The following NUP205 variants were observed in gnomAD, a reference collection of about 807,000 sequenced individuals.
The protein encoded by NUP205 is nuclear pore complex protein Nup205.
Under a neutral mutation model 253.8 loss-of-function variants are expected in NUP205, and 76 were observed. That is an observed-to-expected ratio of 0.30 (90% CI 0.25 to 0.36). The LOEUF is 0.36. NUP205 is among the 10% of genes least tolerant of loss of function. The probability of loss-of-function intolerance (pLI) is 1.00; values close to 1 mark genes in which losing one functional copy is unlikely to be tolerated. For missense variants in NUP205, 2,162 were observed against 2,425.5 expected, an observed-to-expected ratio of 0.89 and a Z score of 2.28; for synonymous variants, 832 against 850.1, an observed-to-expected ratio of 0.98 and a Z score of 0.37.
Position 135,576,410 on chromosome 7 carries a change from C to A in NUP205, c.484C>A (p.Leu162Ile). The part of the protein sequence containing the change: ...SRRGKTWTLE[L>I]SPELASMTTR... ...ACGGGGAAAGACATGGACCCTAGAACTCAGGTCTTTTTACTTCTTGGGATT... is the reference window on the plus strand; with the variant it reads ...ACGGGGAAAGACATGGACCCTAGAAATCAGGTCTTTTTACTTCTTGGGATT... The change falls in exon 4 of 43, where the codon CTC becomes ATC. Residue 162 changes from leucine to isoleucine, a missense_variant. Leu to Ile is a conservative substitution (Grantham distance 5, BLOSUM62 2). Coordinates refer to ENST00000285968, the MANE Select transcript of NUP205 (RefSeq NM_015135.3). 1 of 1,605,678 alleles carries A rather than the reference C, an allele frequency of 6.2e-7. No individual in the cohort carries two copies. Among genetic ancestry groups the A allele is most frequent in the Admixed American group, 1.7e-5 (1 of 57,848 alleles).
intron 21 of NUP205, 63 bp from the exon 22 acceptor site, chr7:135,607,184 A>G: frequency 1.3e-6 from 2 of 1,578,104 alleles, no homozygotes; most frequent in Non-Finnish European, 1.7e-6. Context: ...TTGAAAAGGC[A>G]GTCTAAGATT....
rs200610313 is a variant in NUP205, at chr7:135,587,839, T to C, written c.1336-16T>C. The C allele has an allele frequency of 4.5e-5, 73 of 1,604,758 alleles. No homozygotes were observed. Among genetic ancestry groups the C allele is most frequent in the Non-Finnish European group, 6.0e-5 (70 of 1,176,406 alleles). On this transcript the variant is annotated splice_polypyrimidine_tract_variant and intron_variant, in intron 9 of 42. Transcript: ENST00000285968. ...GTCATAGACATTTCCCTACAGTCTT[T>C]GCTTACTCTTTGCAGATTGGCGAGC...
chr7:135,592,004 C>T (rs1429686697), intron 11 of NUP205, among the ~76,000 whole-genome samples: 1 of 151,962 alleles, frequency 6.6e-6, no homozygotes, highest in Admixed American at 6.6e-5. Context: ...ATTTAATTTT[C>T]AGACTGGTTT....
At chr7:135,572,335 A>G (rs565445536) in intron 2 of NUP205, among the ~76,000 whole-genome samples, 2 of 152,298 alleles carry the variant, frequency 1.3e-5, no homozygotes, top group African/African-American at 4.8e-5. Context: ...TAATACATCT[A>G]TGCTTGGTAA....
chr7:135,619,764 A>G, intron 29 of NUP205, 26 bp from the exon 30 acceptor site: 2 of 1,597,590 alleles, frequency 1.3e-6, no homozygotes, highest in Non-Finnish European at 1.7e-6. Flanking sequence ...AAAGATTTTC[A>G]TTTGACATCT....
chr7:135,633,184 G>A (rs917309395), intron 35 of NUP205, among the ~76,000 whole-genome samples: 5 of 151,886 alleles, frequency 3.3e-5, no homozygotes, highest in East Asian at 1.9e-4. Flanking sequence ...AGGTGTTCTC[G>A]AACTCCTGGC....
At chr7:135,631,457 C>T (rs1349610648) in intron 35 of NUP205, among the ~76,000 whole-genome samples, 1 of 152,164 alleles carries the variant, frequency 6.6e-6, no homozygotes, top group Non-Finnish European at 1.5e-5. Context: ...AATTTCTTTA[C>T]TACATGTAAA....
At chr7:135,626,789 A>G (rs538941938) in intron 33 of NUP205, among the ~76,000 whole-genome samples, 1 of 152,314 alleles carries the variant, frequency 6.6e-6, no homozygotes, top group South Asian at 2.1e-4. Flanking sequence ...TCAAGTTTCA[A>G]GCTTTTCAGC....
At chr7:135,576,165 G>C (rs900205818) in intron 3 of NUP205, 105 bp from the exon 4 acceptor site, 2 of 946,200 alleles carry the variant, frequency 2.1e-6, no homozygotes, top group African/African-American at 1.6e-5. Context: ...CTTAAGCCCT[G>C]AGCTACTGTG....
intron 33 of NUP205, 29 bp from the exon 34 acceptor site, chr7:135,627,944 A>G: frequency 1.2e-6 from 2 of 1,610,752 alleles, no homozygotes; most frequent in Non-Finnish European, 1.7e-6. Flanking sequence ...AATTCTTGGA[A>G]TGTTTTCTCC....
At chr7:135,637,718 G>A (rs1196313194) in intron 36 of NUP205, among the ~76,000 whole-genome samples, 1 of 152,018 alleles carries the variant, frequency 6.6e-6, no homozygotes, top group Non-Finnish European at 1.5e-5. Context: ...TAAAAAAAAA[G>A]GGTACTCTTT....
rs768219930 is a variant in NUP205 at position 135,626,339 on chromosome 7, C to G, written c.4771C>G (p.Arg1591Gly). 6.2e-7 allele frequency: 1 copy of G among 1,613,938 alleles called. No homozygotes were observed. Among genetic ancestry groups the G allele is most frequent in the Admixed American group, 1.7e-5 (1 of 59,994 alleles). ...AGCTCAATGCCAAGTCTATGACATGCGCCCAGAAACGGACCCGCAGAGGTA... is the reference window on the plus strand; with the variant it reads ...AGCTCAATGCCAAGTCTATGACATGGGCCCAGAAACGGACCCGCAGAGGTA... Reference protein sequence around the residue: ...RLAQCQVYDMRPETDPQSMFG... With the variant: ...RLAQCQVYDMGPETDPQSMFG... The change falls in exon 33 of 43, where the codon CGC becomes GGC. Residue 1591 changes from arginine to glycine, a missense_variant. By Grantham distance (125) the Arg-to-Gly change is moderately radical (BLOSUM62 -2). Transcript: ENST00000285968.
intron 15 of NUP205, among the ~76,000 whole-genome samples, chr7:135,598,637 C>T (rs1177289956): frequency 6.6e-6 from 1 of 152,158 alleles, no homozygotes; most frequent in African/African-American, 2.4e-5. Flanking sequence ...TATTGTAATC[C>T]ATTAGGCATG....
At chr7:135,635,397 G>A (rs1249528155) in intron 35 of NUP205, 184 bp from the exon 36 acceptor site, 3 of 387,246 alleles carry the variant, frequency 7.7e-6, no homozygotes, top group Non-Finnish European at 1.4e-5. Context: ...GCATGTACCG[G>A]TGCTGTTATT....
intron 1 of NUP205, among the ~76,000 whole-genome samples, chr7:135,563,497 A>G (rs1483434301): frequency 5.9e-5 from 9 of 152,014 alleles, no homozygotes; most frequent in African/African-American, 1.7e-4. Context: ...CAGATTTTAC[A>G]TTTATGTATG....
chr7:135,645,329 G>A (rs1794985628), intron 40 of NUP205, 139 bp from the exon 41 acceptor site: 1 of 933,298 alleles, frequency 1.1e-6, no homozygotes, highest in Middle Eastern at 2.6e-4. Flanking sequence ...GGAGCCTTCA[G>A]TGAGACCCTG....
At chr7:135,634,698 G>A (rs934611577) in intron 35 of NUP205, among the ~76,000 whole-genome samples, 2 of 152,150 alleles carry the variant, frequency 1.3e-5, no homozygotes, top group Non-Finnish European at 2.9e-5. Context: ...GACTCTCAGA[G>A]GAGTTGAAGG....
intron 42 of NUP205, among the ~76,000 whole-genome samples, chr7:135,647,094 A>G (rs1253665275): frequency 2.0e-5 from 3 of 152,266 alleles, no homozygotes; most frequent in African/African-American, 4.8e-5. Flanking sequence ...GTTAGAATGA[A>G]TGAAGAGTAT....
At chr7:135,604,313 T>A (rs1465894960) in intron 18 of NUP205, 27 bp from the exon 19 acceptor site, 1 of 1,572,040 alleles carries the variant, frequency 6.4e-7, no homozygotes, top group African/African-American at 1.4e-5. Flanking sequence ...TTATCACTGT[T>A]CCTCAAATGT....
Sources: gnomAD v4.1 joint callset for allele counts (sites outside exome capture counted in the v4.1 genomes callset) on GRCh38, gnomAD v4.1.1 for gene constraint, MANE v1.5 for transcripts, NCBI Gene and HGNC (gene_info 2026-07-23, HGNC 2026-07-21) for gene names.